CRB1: variants seen among roughly 807,000 people sequenced by gnomAD.
CRB1 encodes crumbs cell polarity complex component 1.
CRB1 carries 83 observed loss-of-function variants against 120.0 expected under a neutral mutation model. The ratio of observed to expected loss-of-function variants is 0.69; its 90% CI spans 0.58 to 0.83. The LOEUF (loss-of-function observed/expected upper bound fraction) is 0.83, where lower values mean the gene tolerates loss of function less well. CRB1 is among the 40% of genes least tolerant of loss of function. The pLI is 0.00. For missense variants in CRB1, 1,699 were observed against 1,687.6 expected (o/e 1.01, Z -0.12); for synonymous variants, 625 against 612.5 (o/e 1.02, Z -0.30).
chr1:197,276,073 C>T (rs569610844), intron 1 of CRB1, among the ~76,000 whole-genome samples: 1 of 151,922 alleles, frequency 6.6e-6, no homozygotes, highest in East Asian at 1.9e-4. Context: ...TTCGTTGCAA[C>T]ATGCTAAGTA....
At chr1:197,446,026 C>G (rs1156613996) in intron 11 of CRB1, among the ~76,000 whole-genome samples, 5 of 151,946 alleles carry the variant, frequency 3.3e-5, no homozygotes, top group Non-Finnish European at 7.4e-5. Context: ...CTTGTCTATA[C>G]TAAAAATACA....
chr1:197,383,152 C>T (rs1662042072), intron 5 of CRB1, among the ~76,000 whole-genome samples: 1 of 152,092 alleles, frequency 6.6e-6, no homozygotes, highest in African/African-American at 2.4e-5. Flanking sequence ...TATTTTCTTT[C>T]ACCAGTTCAC....
intron 1 of CRB1, among the ~76,000 whole-genome samples, chr1:197,287,983 T>A (rs180817856): frequency 1.1e-4 from 17 of 151,730 alleles, no homozygotes; most frequent in African/African-American, 1.7e-4. Flanking sequence ...ACAAACAAGG[T>A]GAGCCCTATT....
intron 1 of CRB1, among the ~76,000 whole-genome samples, chr1:197,320,727 A>G (rs189604725): frequency 2.3e-4 from 35 of 152,316 alleles, no homozygotes; most frequent in Admixed American, 2.0e-3. Flanking sequence ...CACTATAGGT[A>G]TATACAATGT....
chr1:197,404,105 G>T (rs1023429464), intron 5 of CRB1, among the ~76,000 whole-genome samples: 6 of 152,064 alleles, frequency 3.9e-5, no homozygotes, highest in African/African-American at 1.4e-4. Context: ...GCCTTGTTTT[G>T]TTCTGCAAGT....
the CRB1 span, among the ~76,000 whole-genome samples, chr1:197,232,786 T>G: frequency 6.6e-6 from 1 of 152,110 alleles, no homozygotes; most frequent in Non-Finnish European, 1.5e-5. Flanking sequence ...GGTAACTATA[T>G]TCTGAGGAAA....
At chr1:197,460,620 T>A (rs1666487523) in intron 11 of CRB1, among the ~76,000 whole-genome samples, 1 of 152,164 alleles carries the variant, frequency 6.6e-6, no homozygotes, top group Non-Finnish European at 1.5e-5. Context: ...TTACAGATGC[T>A]GAAACGAAGG....
At chr1:197,345,547 C>T in intron 3 of CRB1, among the ~76,000 whole-genome samples, 1 of 115,252 alleles carries the variant, frequency 8.7e-6, no homozygotes, top group Non-Finnish European at 1.6e-5. Flanking sequence ...CTTGCTGTGT[C>T]ACCCAGGCTG....
chr1:197,324,399 C>A (rs540055186), intron 1 of CRB1, among the ~76,000 whole-genome samples: 1 of 152,166 alleles, frequency 6.6e-6, no homozygotes, highest in African/African-American at 2.4e-5. Context: ...GTACTTTGGA[C>A]CCTGCATTGA....
rs1348637480 is a variant in CRB1, at chr1:197,421,954, G to C, written c.2126G>C (p.Arg709Thr). The stretch of plus-strand genomic sequence containing the variant: ...CCCTATGAAGGCCCCAACTGTCTGA[G>C]AGGTGAGAGAAAGCTGAGTGCTATG... ...HRPYEGPNCL[R>T]EYVAGRFGQD... Residue 709 changes from arginine to threonine, a missense_variant and splice_region_variant, in exon 6 of 12, where the codon AGA becomes ACA. By Grantham distance (71) the Arg-to-Thr change is moderately conservative. Transcript: ENST00000367400. 6.2e-7 allele frequency: 1 copy of C among 1,613,450 alleles called. No individual in the cohort carries two copies. The highest frequency in any genetic ancestry group is 8.5e-7 in the Non-Finnish European group (1 of 1,180,014).
the CRB1 span, among the ~76,000 whole-genome samples, chr1:197,214,068 GA>G: frequency 1.3e-5 from 2 of 151,278 alleles, no homozygotes; most frequent in African/African-American, 4.9e-5. Context: ...ATAGATGCTA[GA>G]AAAAAAATCA....
chr1:197,364,584 C>T (rs1240382807), intron 5 of CRB1, among the ~76,000 whole-genome samples: 1 of 151,872 alleles, frequency 6.6e-6, no homozygotes, highest in Non-Finnish European at 1.5e-5. Flanking sequence ...TTGTTTCAGT[C>T]TATTTTCTGC....
chr1:197,267,850 A>C (rs533738228), upstream of CRB1, among the ~76,000 whole-genome samples: 1 of 152,318 alleles, frequency 6.6e-6, no homozygotes, highest in African/African-American at 2.4e-5. Context: ...CATTTTATGC[A>C]GTAGTTTAAG....
chr1:197,363,943 CG>C, intron 5 of CRB1: 2 of 1,321,670 alleles, frequency 1.5e-6, no homozygotes, highest in South Asian at 2.4e-5. Context: ...TAAGCTTCGG[CG>C]GTATTATGAG....
the CRB1 span, among the ~76,000 whole-genome samples, chr1:197,262,218 C>T: frequency 6.6e-6 from 1 of 152,078 alleles, no homozygotes; most frequent in Non-Finnish European, 1.5e-5. Context: ...TCAATAGTGT[C>T]CACCAGTAAG....
chr1:197,396,876 C>G (rs1484918054), intron 5 of CRB1, among the ~76,000 whole-genome samples: 1 of 152,012 alleles, frequency 6.6e-6, no homozygotes, highest in Non-Finnish European at 1.5e-5. Context: ...TATCTGGGAT[C>G]TTGGGCTCAG....
chr1:197,349,096 C>A (rs754302640), intron 4 of CRB1, among the ~76,000 whole-genome samples: 8 of 152,096 alleles, frequency 5.3e-5, no homozygotes, highest in Non-Finnish European at 1.0e-4. Context: ...TTAAAAAAAT[C>A]TTTTATACTG....
intron 5 of CRB1, among the ~76,000 whole-genome samples, chr1:197,405,140 G>A (rs1663281688): frequency 6.6e-6 from 1 of 151,970 alleles, no homozygotes; most frequent in East Asian, 1.9e-4. Context: ...AAGCTGGACT[G>A]TACTGCTGCC....
intron 1 of CRB1, among the ~76,000 whole-genome samples, chr1:197,271,402 C>G (rs982520181): frequency 3.9e-5 from 6 of 152,108 alleles, no homozygotes; most frequent in African/African-American, 1.2e-4. Flanking sequence ...TTTGATCAAC[C>G]TTTATGTCCT....
Sources: gnomAD v4.1 joint callset for allele counts (sites outside exome capture counted in the v4.1 genomes callset) on GRCh38, gnomAD v4.1.1 for gene constraint, MANE v1.5 for transcripts, NCBI Gene and HGNC (gene_info 2026-07-23, HGNC 2026-07-21) for gene names.